CDH13: variants seen among roughly 807,000 people sequenced by gnomAD.
The protein encoded by CDH13 is cadherin 13.
Under a neutral mutation model 63.8 loss-of-function variants are expected in CDH13, and 24 were observed. The ratio of observed to expected loss-of-function variants is 0.38; its 90% CI spans 0.27 to 0.53. The LOEUF (loss-of-function observed/expected upper bound fraction) is 0.53. Among genes scored for constraint, CDH13 ranks in the 20% least tolerant of loss-of-function variants. The probability of loss-of-function intolerance (pLI) is 0.85; values close to 1 mark genes in which losing one functional copy is unlikely to be tolerated. For missense variants in CDH13, 1,049 were observed against 903.1 expected (o/e 1.16, Z -2.07); for synonymous variants, 503 against 355.3 (o/e 1.42, Z -4.67).
intron 1 of CDH13, among the ~76,000 whole-genome samples, chr16:82,796,700 C>T (rs1462868723): frequency 6.6e-6 from 1 of 152,232 alleles, no homozygotes; most frequent in East Asian, 1.9e-4. Context: ...TAGTGGCCAC[C>T]CAAGATGGAT....
chr16:83,325,349 G>C (rs991494656), intron 5 of CDH13, among the ~76,000 whole-genome samples: 1 of 152,170 alleles, frequency 6.6e-6, no homozygotes, highest in East Asian at 1.9e-4. Context: ...AGGTTGCCAC[G>C]TTGGGTTTGA....
At chr16:83,715,386 G>A (rs1908735524) in intron 10 of CDH13, among the ~76,000 whole-genome samples, 2 of 152,160 alleles carry the variant, frequency 1.3e-5, no homozygotes, top group African/African-American at 4.8e-5. Context: ...GGCAGGTGGT[G>A]CCAGGATTTC....
chr16:83,651,588 C>CTTTTTTTTTTTTTTT (rs35237670), intron 8 of CDH13, among the ~76,000 whole-genome samples: 1 of 75,306 alleles, frequency 1.3e-5, no homozygotes, highest in Non-Finnish European at 2.4e-5. Flanking sequence ...TTATTTTCCT[C>CTTTTTTTTTTTTTTT]TTTTTTTTTT....
chr16:83,375,035 T>A (rs2091436072), intron 6 of CDH13, among the ~76,000 whole-genome samples: 1 of 152,152 alleles, frequency 6.6e-6, no homozygotes, highest in Non-Finnish European at 1.5e-5. Flanking sequence ...TTTAATTTAG[T>A]AGGTAGGATT....
chr16:83,066,249 C>T (rs958642402), intron 3 of CDH13, among the ~76,000 whole-genome samples: 4 of 152,182 alleles, frequency 2.6e-5, no homozygotes, highest in African/African-American at 9.6e-5. Flanking sequence ...CTAGGGGAAT[C>T]AGTTTCTCAA....
chr16:83,019,836 T>TAAAAAA (rs562381483), intron 2 of CDH13, among the ~76,000 whole-genome samples: 2 of 100,822 alleles, frequency 2.0e-5, no homozygotes, highest in Non-Finnish European at 2.0e-5. Context: ...GAGTACACTC[T>TAAAAAA]AAAAAAAAAA....
chr16:82,687,815 C>G lies in CDH13; in HGVS notation c.45+60678C>G, dbSNP rs1014652053. Among the ~76,000 whole-genome samples the G allele has an allele frequency of 3.3e-5, 5 of 152,114 alleles. No individual in the cohort carries two copies. In the South Asian group the frequency reaches 1.0e-3, roughly 32 times the overall value. ...GTTGGTAGATCCTAACATGGTGACC[C>G]AGCAAGAGTCTCTTTTCAAACTGGC... On this transcript the variant is annotated intron_variant, in intron 1 of 13. Transcript: ENST00000567109.
chr16:83,424,112 A>C (rs1421219294), intron 6 of CDH13, among the ~76,000 whole-genome samples: 2 of 150,876 alleles, frequency 1.3e-5, no homozygotes, highest in Non-Finnish European at 3.0e-5. Context: ...GGAAATCCAA[A>C]ACGTACTGAA....
At chr16:83,766,206 A>C (rs1914374381) in intron 11 of CDH13, among the ~76,000 whole-genome samples, 1 of 152,142 alleles carries the variant, frequency 6.6e-6, no homozygotes. Context: ...TTTTCTCCCC[A>C]AGGGTTAGAT....
At chr16:83,195,699 A>T (rs905764127) in intron 4 of CDH13, among the ~76,000 whole-genome samples, 2 of 152,196 alleles carry the variant, frequency 1.3e-5, no homozygotes, top group Non-Finnish European at 2.9e-5. Flanking sequence ...CACAGATCCA[A>T]ACCATAGCAA....
At chr16:83,177,110 TA>T (rs1173533308) in intron 4 of CDH13, among the ~76,000 whole-genome samples, 4 of 152,180 alleles carry the variant, frequency 2.6e-5, no homozygotes, top group African/African-American at 9.6e-5. Flanking sequence ...TGTGACCGAA[TA>T]ACTGGGATTT....
At chr16:83,299,840 C>G (rs926891204) in intron 5 of CDH13, among the ~76,000 whole-genome samples, 1 of 152,168 alleles carries the variant, frequency 6.6e-6, no homozygotes, top group Admixed American at 6.5e-5. Context: ...GAGCTCACAG[C>G]TTAGTGAGAT....
At chr16:83,045,052 C>G (rs1597212641) in intron 3 of CDH13, among the ~76,000 whole-genome samples, 1 of 152,288 alleles carries the variant, frequency 6.6e-6, no homozygotes, top group East Asian at 1.9e-4. Context: ...CAATTCCTCT[C>G]TTATCTGCAA....
rs771879696 is a variant in CDH13, at chr16:83,083,183, T to C, written c.367-42202T>C. On this transcript the variant is annotated intron_variant, in intron 3 of 13. Coordinates refer to ENST00000567109, the MANE Select transcript of CDH13 (RefSeq NM_001257.5). ...AAGTAATACCAATCATGGGTTGGTA[T>C]AGGATGCACAGTTTTAAATACAGCA... 2.8e-4 allele frequency among the ~76,000 whole-genome samples: 42 copies of C among 152,336 alleles called. No individual in the cohort carries two copies. The South Asian group carries it at 4.1e-3, about 15-fold the overall frequency.
chr16:83,027,514 G>C (rs1009884003), intron 2 of CDH13, among the ~76,000 whole-genome samples: 1 of 152,132 alleles, frequency 6.6e-6, no homozygotes, highest in Admixed American at 6.5e-5. Flanking sequence ...GAGTGGGTGA[G>C]GTGTGAGCTA....
At chr16:82,819,563 C>G (rs1287520479) in intron 1 of CDH13, among the ~76,000 whole-genome samples, 1 of 152,136 alleles carries the variant, frequency 6.6e-6, no homozygotes, top group Admixed American at 6.5e-5. Context: ...CTACCTCTAG[C>G]CACACTGTGT....
At chr16:83,196,063 C>G (rs2038869941) in intron 4 of CDH13, among the ~76,000 whole-genome samples, 1 of 152,108 alleles carries the variant, frequency 6.6e-6, no homozygotes, top group African/African-American at 2.4e-5. Context: ...CGCAATCAGC[C>G]TGGCCAACAT....
chr16:83,411,824 T>C (rs937038651), intron 6 of CDH13, among the ~76,000 whole-genome samples: 1 of 152,196 alleles, frequency 6.6e-6, no homozygotes. Context: ...ATCTCATATG[T>C]GTACTGGCAT....
chr16:83,356,531 A>C (rs966203052), intron 6 of CDH13, among the ~76,000 whole-genome samples: 1 of 152,162 alleles, frequency 6.6e-6, no homozygotes. Flanking sequence ...TTACTGCAGC[A>C]CCCTTGCTCT....
Sources: gnomAD v4.1 joint callset for allele counts (sites outside exome capture counted in the v4.1 genomes callset) on GRCh38, gnomAD v4.1.1 for gene constraint, MANE v1.5 for transcripts, NCBI Gene and HGNC (gene_info 2026-07-23, HGNC 2026-07-21) for gene names.